Variants in NAP1L4 observed in about 807,000 individuals in gnomAD.
The protein encoded by NAP1L4 is nucleosome assembly protein 1 like 4, also known as nucleosome assembly protein 1-like 4.
A neutral mutation model predicts 58.2 loss-of-function variants in NAP1L4; 15 were observed. The ratio of observed to expected loss-of-function variants is 0.26; its 90% CI spans 0.17 to 0.40. The LOEUF (loss-of-function observed/expected upper bound fraction) is 0.40, where lower values mean the gene tolerates loss of function less well. Ranked by LOEUF, NAP1L4 falls within the 10% of genes least tolerant of loss-of-function variation. NAP1L4 has a pLI of 1.00. For synonymous variants in NAP1L4, 171 were observed against 155.6 expected (o/e 1.10, Z -0.74); for missense variants, 384 against 451.1 (o/e 0.85, Z 1.35).
chr11:2,965,215 T>A (rs1847192424), intron 7 of NAP1L4, among the ~76,000 whole-genome samples: 1 of 152,210 alleles, frequency 6.6e-6, no homozygotes, highest in African/African-American at 2.4e-5. Context: ...CCTGTGGCAA[T>A]AAAGTTGTGC....
rs1198035640 is a variant in NAP1L4 at position 2,949,991 on chromosome 11, CAGCCCAAT to C, written c.1123-735_1123-728del. On this transcript the variant is annotated intron_variant, in intron 14 of 15. Coordinates refer to ENST00000380542, the MANE Select transcript of NAP1L4 (RefSeq NM_005969.4). The surrounding 1 kb of genome is among the most constrained non-coding windows in gnomAD (Gnocchi z 4.0). ...ATTCAGCGCCCACAAGGCGGAAACA[CAGCCCAAT>C]AAACACACGTGGCCCTTGGGTCCAT... Among the ~76,000 whole-genome samples the C allele has an allele frequency of 6.6e-6, 1 of 152,274 alleles. No individual in the cohort carries two copies. Among genetic ancestry groups the C allele is most frequent in the Non-Finnish European group, 1.5e-5 (1 of 68,054 alleles).
intron 1 of NAP1L4, chr11:2,991,972 G>A (rs1157216141): frequency 1.3e-5 from 2 of 152,052 alleles, no homozygotes; most frequent in Non-Finnish European, 2.9e-5. Context: ...AAAGCGCCTT[G>A]ACCTTCAGTG....
At chr11:2,958,696 C>A in intron 9 of NAP1L4, 152 bp from the exon 10 acceptor site, 1 of 738,380 alleles carries the variant, frequency 1.4e-6, no homozygotes, top group South Asian at 2.0e-5. Context: ...TGAAGTTCAT[C>A]TGGAGGTTGG....
chr11:2,972,771 C>T (rs1847719446), intron 4 of NAP1L4, among the ~76,000 whole-genome samples: 1 of 152,112 alleles, frequency 6.6e-6, no homozygotes, highest in African/African-American at 2.4e-5. Flanking sequence ...GACTCCAAGA[C>T]CAGCCTGAGC....
Position 2,971,338 on chromosome 11 carries a change from C to A in NAP1L4, c.402+110G>T. The A allele has an allele frequency of 1.2e-6, 1 of 867,988 alleles. No homozygotes were observed. Among genetic ancestry groups the A allele is most frequent in the South Asian group, 1.6e-5 (1 of 63,130 alleles). 53.8% of individuals were successfully genotyped at this position (867,988 alleles called of 1,614,324 possible). A position where few individuals can be genotyped will look rare whatever the true frequency, so the allele number is the denominator to read the frequency against. On this transcript the variant is annotated intron_variant, in intron 6 of 15. Transcript: ENST00000380542. The surrounding 1 kb of genome is among the most constrained non-coding windows in gnomAD (Gnocchi z 4.2). Reference sequence around the variant, plus strand: ...TAAACCCAACCTAATGATGCAGCAGCACCTACTGTTAGAAGCACATAAGTT... The same window carrying A: ...TAAACCCAACCTAATGATGCAGCAGAACCTACTGTTAGAAGCACATAAGTT...
intron 6 of NAP1L4, among the ~76,000 whole-genome samples, chr11:2,970,422 A>G (rs1356087152): frequency 6.6e-6 from 1 of 151,774 alleles, no homozygotes; most frequent in African/African-American, 2.4e-5. Context: ...GCTAAGTTGA[A>G]ATAAAAAAAA....
intron 1 of NAP1L4, chr11:2,990,195 AG>A (rs1297928524): frequency 1.3e-5 from 2 of 152,102 alleles, no homozygotes; most frequent in African/African-American, 4.8e-5. Flanking sequence ...CTGCTCAACC[AG>A]GAAAAAAAAA....
intron 9 of NAP1L4, 172 bp from the exon 10 acceptor site, chr11:2,958,716 A>G: frequency 1.6e-6 from 1 of 632,470 alleles, no homozygotes; most frequent in Non-Finnish European, 2.7e-6. Context: ...GCAAAAAGAG[A>G]AACAGCCTGG....
rs372923473 is a variant in NAP1L4 at position 2,949,623 on chromosome 11, G to A, written c.1123-359C>T. Among the ~76,000 whole-genome samples the A allele has an allele frequency of 6.6e-5, 10 of 152,262 alleles. No homozygotes were observed. In the East Asian group the frequency reaches 1.5e-3, roughly 24 times the overall value. ...CTGAACTTCATTCACACCATTAGCC[G>A]GAACATGTTTTTAGTCCCTTCTCCC... On this transcript the variant is annotated intron_variant, in intron 14 of 15. Transcript: ENST00000380542. This position sits in a 1 kb window ranked among gnomAD's most constrained non-coding sequence, Gnocchi z 4.0.
chr11:2,957,736 T>C (rs1846627737), intron 10 of NAP1L4, among the ~76,000 whole-genome samples: 1 of 152,170 alleles, frequency 6.6e-6, no homozygotes. Flanking sequence ...CTTAGGAAAA[T>C]TTAAAAAATA....
chr11:2,951,930 C>T lies in NAP1L4; in HGVS notation c.1036-121G>A. 2 of 925,922 alleles carry T rather than the reference C, an allele frequency of 2.2e-6. No homozygotes were observed. The highest frequency in any genetic ancestry group is 3.9e-5 in the Admixed American group (2 of 51,756). The allele number at this position is 925,922 out of a possible 1,614,324, so 57.4% of individuals were successfully genotyped here. A position where few individuals can be genotyped will look rare whatever the true frequency, so the allele number is the denominator to read the frequency against. On this transcript the variant is annotated intron_variant, in intron 12 of 15. Transcript: ENST00000380542. This position sits in a 1 kb window ranked among gnomAD's most constrained non-coding sequence, Gnocchi z 4.0. Reference sequence around the variant, plus strand: ...AAGAGGAGCAGAAAGTCCAGCCACGCTGCCTGCTGGGCCTCGCTTGCCTGA... The same window carrying T: ...AAGAGGAGCAGAAAGTCCAGCCACGTTGCCTGCTGGGCCTCGCTTGCCTGA...
intron 10 of NAP1L4, among the ~76,000 whole-genome samples, chr11:2,956,884 T>C (rs1846576980): frequency 6.6e-6 from 1 of 152,222 alleles, no homozygotes. Context: ...CCATTACCTA[T>C]TCCGCAGCCA....
At chr11:2,960,994 A>G (rs963132318) in intron 8 of NAP1L4, among the ~76,000 whole-genome samples, 5 of 151,962 alleles carry the variant, frequency 3.3e-5, no homozygotes, top group African/African-American at 7.3e-5. Context: ...TCATCTCTAC[A>G]CTGGAAATAA....
At chr11:2,986,292 T>A (rs1258038238) in intron 1 of NAP1L4, among the ~76,000 whole-genome samples, 1 of 151,476 alleles carries the variant, frequency 6.6e-6, no homozygotes, top group Non-Finnish European at 1.5e-5. Context: ...GAGAACTGCT[T>A]GAACCTGGGG....
intron 1 of NAP1L4, chr11:2,987,951 AC>A (rs1253882979): frequency 6.6e-6 from 1 of 152,116 alleles, no homozygotes; most frequent in East Asian, 1.9e-4. Flanking sequence ...TCTCTGTGTT[AC>A]CAGTACCCAG....
chr11:2,945,537 G>T lies in NAP1L4; in HGVS notation c.*142C>A. 1.5e-6 allele frequency: 2 copies of T among 1,352,196 alleles called. No individual in the cohort carries two copies. Among genetic ancestry groups the T allele is most frequent in the South Asian group, 1.3e-5 (1 of 79,184 alleles). 83.8% of individuals were successfully genotyped at this position (1,352,196 alleles called of 1,614,324 possible). A position where few individuals can be genotyped will look rare whatever the true frequency, so the allele number is the denominator to read the frequency against. On this transcript the variant is annotated 3_prime_UTR_variant, in exon 16 of 16. Transcript: ENST00000380542. ...GCTCTGTCCACGGGATTGTGCTGCG[G>T]CAAGGACCGAGGCCCCGCCCACAGG... is the stretch of plus-strand genomic sequence containing the variant.
chr11:2,963,739 C>T (rs751474652), intron 8 of NAP1L4: 1 of 519,208 alleles, frequency 1.9e-6, no homozygotes, highest in Non-Finnish European at 3.8e-6. Context: ...CACCCACACC[C>T]AAGATCCCTA....
At position 2,971,346 on chromosome 11, in the gene NAP1L4, G is replaced by T; in HGVS notation, c.402+102C>A. 1.0e-6 allele frequency: 1 copy of T among 992,792 alleles called. No homozygotes were observed. The highest frequency in any genetic ancestry group is 1.5e-6 in the Non-Finnish European group (1 of 660,914). The allele number at this position is 992,792 out of a possible 1,614,324, so 61.5% of individuals were successfully genotyped here. ...ACCTAATGATGCAGCAGCACCTACT[G>T]TTAGAAGCACATAAGTTTACTAGTC... On this transcript the variant is annotated intron_variant, in intron 6 of 15. Coordinates refer to ENST00000380542, the MANE Select transcript of NAP1L4 (RefSeq NM_005969.4). This position sits in a 1 kb window ranked among gnomAD's most constrained non-coding sequence, Gnocchi z 4.2.
At chr11:2,985,045 C>A (rs1415173704) in intron 1 of NAP1L4, among the ~76,000 whole-genome samples, 2 of 151,916 alleles carry the variant, frequency 1.3e-5, no homozygotes, top group African/African-American at 4.8e-5. Flanking sequence ...TCCCACACAT[C>A]TTATTCACAT....
Sources: allele counts gnomAD v4.1 joint callset (sites outside exome capture counted in the v4.1 genomes callset), GRCh38; gene constraint gnomAD v4.1.1; non-coding constraint Gnocchi (gnomAD v3.1); transcripts MANE v1.5; gene names NCBI Gene and HGNC (gene_info 2026-07-23, HGNC 2026-07-21).